Variants in KIAA0825 observed in about 807,000 individuals in gnomAD.
The protein encoded by KIAA0825 is KIAA0825.
In KIAA0825, 119 loss-of-function variants were observed where a neutral mutation model predicts 147.6. That is an observed-to-expected ratio of 0.81 (90% CI 0.69 to 0.94). The LOEUF is 0.94. Ranked by LOEUF, KIAA0825 falls within the 40% of genes least tolerant of loss-of-function variation. KIAA0825 has a pLI of 0.00. For synonymous variants in KIAA0825, 470 were observed against 518.1 expected (o/e 0.91, Z 1.26); for missense variants, 1,381 against 1,472.7 (o/e 0.94, Z 1.02).
At chr5:94,348,361 A>C (rs1423650646) in intron 20 of KIAA0825, among the ~76,000 whole-genome samples, 2 of 152,338 alleles carry the variant, frequency 1.3e-5, no homozygotes, top group African/African-American at 4.8e-5. Context: ...TCCAAAGTTA[A>C]GAGGAAGGAA....
chr5:94,211,246 A>C (rs558648020), intron 20 of KIAA0825, among the ~76,000 whole-genome samples: 1 of 152,324 alleles, frequency 6.6e-6, no homozygotes, highest in East Asian at 1.9e-4. Context: ...CCTGTGCCAC[A>C]AAGAATGACA....
intron 20 of KIAA0825, among the ~76,000 whole-genome samples, chr5:94,331,346 C>A (rs1443638549): frequency 6.6e-6 from 1 of 152,076 alleles, no homozygotes; most frequent in Non-Finnish European, 1.5e-5. Flanking sequence ...ATGAAATGAA[C>A]CAATTCCTCG....
In KIAA0825 at chr5:94,393,849, CTT is replaced by C. The variant is rs34735109; in HGVS notation, c.3297-2157_3297-2156del. On this transcript the variant is annotated intron_variant, in intron 17 of 20. Transcript: ENST00000682413. ...GAAATCAAAGTCAAGAAGAAACACTCTTTTTTTTTTTTTTTTGAGACAGAGTT... is the reference window on the plus strand; with the variant it reads ...GAAATCAAAGTCAAGAAGAAACACTCTTTTTTTTTTTTTTGAGACAGAGTT... Among the ~76,000 whole-genome samples, 223 of 138,988 alleles carry C rather than the reference CTT, an allele frequency of 1.6e-3. 1 individual carries two copies. Among genetic ancestry groups the C allele is most frequent in the African/African-American group, 4.7e-3 (180 of 38,572 alleles). The allele number at this position is 138,988 out of a possible 152,430, so 91.2% of individuals were successfully genotyped here. A position where few individuals can be genotyped will look rare whatever the true frequency, so the allele number is the denominator to read the frequency against.
chr5:94,490,709 ATG>A (rs1297113135), intron 5 of KIAA0825, among the ~76,000 whole-genome samples: 3 of 152,144 alleles, frequency 2.0e-5, no homozygotes, highest in Admixed American at 2.0e-4. Flanking sequence ...TATTATAGAT[ATG>A]TGTCTAGATA....
At chr5:94,327,427 C>A (rs759175863) in intron 20 of KIAA0825, among the ~76,000 whole-genome samples, 1 of 151,618 alleles carries the variant, frequency 6.6e-6, no homozygotes, top group Non-Finnish European at 1.5e-5. Flanking sequence ...AATAAAAACT[C>A]ATTTCTATCT....
chr5:94,580,430 A>T (rs1342341207), intron 2 of KIAA0825, among the ~76,000 whole-genome samples: 3 of 152,190 alleles, frequency 2.0e-5, no homozygotes, highest in Admixed American at 2.0e-4. Context: ...GGCAATACAG[A>T]CCTGCCCTGT....
intron 2 of KIAA0825, among the ~76,000 whole-genome samples, chr5:94,541,035 C>T (rs372222889): frequency 7.2e-5 from 11 of 152,102 alleles, no homozygotes; most frequent in Admixed American, 3.3e-4. Context: ...GGTCCAAGTA[C>T]GTCATAGATT....
chr5:94,224,082 C>CTTTTTTTTTTTTTTTTTTTTTTT (rs869059424), intron 20 of KIAA0825, among the ~76,000 whole-genome samples: 9 of 56,438 alleles, frequency 1.6e-4, no homozygotes, highest in Non-Finnish European at 2.5e-4. Flanking sequence ...TTTTTCTTTT[C>CTTTTTTTTTTTTTTTTTTTTTTT]TTTTTTTTTT....
At chr5:94,328,378 A>G (rs1780916542) in intron 20 of KIAA0825, among the ~76,000 whole-genome samples, 1 of 152,094 alleles carries the variant, frequency 6.6e-6, no homozygotes, top group Non-Finnish European at 1.5e-5. Flanking sequence ...GATAGTATTT[A>G]TAGGCTAAAA....
rs1277427538 is a variant in KIAA0825 at position 94,520,295 on chromosome 5, T to C, written c.923A>G (p.Lys308Arg). The C allele has an allele frequency of 1.2e-6, 2 of 1,613,244 alleles. No individual in the cohort carries two copies. Among genetic ancestry groups the C allele is most frequent in the Non-Finnish European group, 1.7e-6 (2 of 1,179,510 alleles). The change falls in exon 5 of 21, where the codon AAA becomes AGA. Residue 308 changes from lysine (K) to arginine (R), a missense_variant. Physicochemically the swap from Lys to Arg is conservative, Grantham distance 26. Coordinates refer to ENST00000682413, the MANE Select transcript of KIAA0825 (RefSeq NM_001145678.3). ...ATGCTTGCTGGAGCTCTTGCTTGTT[T>C]TAACCACACGAACAGCATTTTCTCT... is the stretch of plus-strand genomic sequence containing the variant. Reference protein sequence around the residue: ...QFRENAVRVVKTSKSSSKHRG... With the variant: ...QFRENAVRVVRTSKSSSKHRG...
intron 2 of KIAA0825, among the ~76,000 whole-genome samples, chr5:94,564,126 G>A (rs1561320628): frequency 6.6e-6 from 1 of 151,658 alleles, no homozygotes; most frequent in Admixed American, 6.6e-5. Flanking sequence ...TAATCCATTG[G>A]CTCTCAGAGC....
At chr5:94,504,746 CTTTTTTTTTTT>C (rs564291886) in intron 5 of KIAA0825, among the ~76,000 whole-genome samples, 1 of 122,982 alleles carries the variant, frequency 8.1e-6, no homozygotes, top group Non-Finnish European at 1.7e-5. Flanking sequence ...TTTTTCTTTT[CTTTTTTTTTTT>C]TTTTTTTTGA....
intron 20 of KIAA0825, among the ~76,000 whole-genome samples, chr5:94,301,553 T>A (rs1778404386): frequency 6.6e-6 from 1 of 152,086 alleles, no homozygotes; most frequent in Non-Finnish European, 1.5e-5. Flanking sequence ...GTTGATGAGA[T>A]AAACCCTGTA....
At chr5:94,169,616 G>C (rs1768415393) in intron 20 of KIAA0825, among the ~76,000 whole-genome samples, 1 of 149,432 alleles carries the variant, frequency 6.7e-6, no homozygotes, top group African/African-American at 2.5e-5. Flanking sequence ...TGACAACTTT[G>C]TATGGTTGAT....
chr5:94,244,078 A>G (rs561101069), intron 20 of KIAA0825, among the ~76,000 whole-genome samples: 1 of 152,270 alleles, frequency 6.6e-6, no homozygotes, highest in African/African-American at 2.4e-5. Context: ...TTCTGGTTCC[A>G]GCCAGGCTTC....
intron 20 of KIAA0825, among the ~76,000 whole-genome samples, chr5:94,235,970 T>C (rs1775019131): frequency 6.6e-6 from 1 of 152,228 alleles, no homozygotes; most frequent in Admixed American, 6.5e-5. Flanking sequence ...CTTGAAACAA[T>C]GCACCTGGTC....
intron 5 of KIAA0825, among the ~76,000 whole-genome samples, chr5:94,499,437 C>A (rs903985324): frequency 6.6e-6 from 1 of 152,144 alleles, no homozygotes; most frequent in African/African-American, 2.4e-5. Context: ...ACCCTGCAAC[C>A]AACACGGTTC....
At chr5:94,168,730 G>A (rs1314869398) in intron 20 of KIAA0825, among the ~76,000 whole-genome samples, 1 of 152,128 alleles carries the variant, frequency 6.6e-6, no homozygotes, top group Non-Finnish European at 1.5e-5. Context: ...CCCTTACTAA[G>A]AGAAGTGTCA....
At chr5:94,616,352 T>C (rs1167429688) in intron 1 of KIAA0825, among the ~76,000 whole-genome samples, 1 of 152,216 alleles carries the variant, frequency 6.6e-6, no homozygotes, top group Non-Finnish European at 1.5e-5. Flanking sequence ...TTTCTCTATA[T>C]AGAATTGGGT....
Sources: allele counts gnomAD v4.1 joint callset (sites outside exome capture counted in the v4.1 genomes callset), GRCh38; gene constraint gnomAD v4.1.1; transcripts MANE v1.5; gene names NCBI Gene and HGNC (gene_info 2026-07-23, HGNC 2026-07-21).